GABRA1: variants seen among roughly 807,000 people sequenced by gnomAD.
The protein encoded by GABRA1 is gamma-aminobutyric acid receptor subunit alpha-1.
GABRA1 carries 9 observed loss-of-function variants against 48.9 expected under a neutral mutation model. That is an observed-to-expected ratio of 0.18 (90% CI 0.11 to 0.32). The LOEUF is 0.32. GABRA1 is among the 10% of genes least tolerant of loss of function. The pLI is 1.00. For missense variants in GABRA1, 285 were observed against 553.8 expected, an observed-to-expected ratio of 0.51 and a Z score of 4.87; for synonymous variants, 210 against 198.7, an observed-to-expected ratio of 1.06 and a Z score of -0.48.
intron 7 of GABRA1, among the ~76,000 whole-genome samples, chr5:161,890,453 T>G (rs1161892365): frequency 6.6e-6 from 1 of 152,126 alleles, no homozygotes; most frequent in Non-Finnish European, 1.5e-5. Context: ...AAAATTAAAC[T>G]GTCCTGATGT....
intron 7 of GABRA1, 55 bp downstream of exon 7, chr5:161,882,756 T>G: frequency 6.5e-7 from 1 of 1,532,092 alleles, no homozygotes; most frequent in Middle Eastern, 1.7e-4. Flanking sequence ...TAATATTTTG[T>G]GAGAACTCAA....
chr5:161,890,498 A>G (rs1366636015), intron 7 of GABRA1, among the ~76,000 whole-genome samples: 1 of 152,080 alleles, frequency 6.6e-6, no homozygotes, highest in Non-Finnish European at 1.5e-5. Flanking sequence ...TATTGTGGAT[A>G]TGCTCTGTAA....
intron 3 of GABRA1, among the ~76,000 whole-genome samples, chr5:161,861,860 A>G (rs1757871652): frequency 6.6e-6 from 1 of 151,882 alleles, no homozygotes; most frequent in African/African-American, 2.4e-5. Flanking sequence ...AATGACTAAT[A>G]TTAGTCCATT....
chr5:161,893,777 G>A (rs187611754), intron 8 of GABRA1, among the ~76,000 whole-genome samples: 35 of 152,216 alleles, frequency 2.3e-4, no homozygotes, highest in African/African-American at 7.7e-4. Context: ...TTAAATGAAA[G>A]TACAAGGAAA....
chr5:161,876,935 C>A (rs1439097682), intron 6 of GABRA1, among the ~76,000 whole-genome samples: 1 of 152,064 alleles, frequency 6.6e-6, no homozygotes, highest in Admixed American at 6.6e-5. Context: ...GCCTAATATA[C>A]TGGTATACTT....
intron 2 of GABRA1, among the ~76,000 whole-genome samples, chr5:161,853,129 T>G (rs1290503401): frequency 6.6e-6 from 1 of 151,810 alleles, no homozygotes; most frequent in African/African-American, 2.4e-5. Flanking sequence ...CATCCTAAGA[T>G]AGAAAACAAT....
chr5:161,870,150 G>C (rs745788471), intron 4 of GABRA1, among the ~76,000 whole-genome samples: 1 of 152,040 alleles, frequency 6.6e-6, no homozygotes, highest in Non-Finnish European at 1.5e-5. Context: ...AGAAACTGGG[G>C]ACTTAGCAAG....
intron 7 of GABRA1, among the ~76,000 whole-genome samples, chr5:161,890,365 C>T (rs929487615): frequency 3.3e-5 from 5 of 152,144 alleles, no homozygotes; most frequent in African/African-American, 1.2e-4. Flanking sequence ...TTCTAGCCCA[C>T]TCTCCTTATT....
chr5:161,862,034 T>C (rs1175277086), intron 3 of GABRA1, among the ~76,000 whole-genome samples: 1 of 151,886 alleles, frequency 6.6e-6, no homozygotes, highest in East Asian at 1.9e-4. Context: ...ATTAAACAAA[T>C]GGTTGTGATA....
intron 7 of GABRA1, among the ~76,000 whole-genome samples, chr5:161,887,062 T>A (rs114673806): frequency 0.011 from 1,742 of 152,298 alleles, 16 homozygotes; most frequent in South Asian, 0.033. Flanking sequence ...AAAACATTAA[T>A]AATGTAATGC....
chr5:161,858,180 C>G (rs531968659), intron 3 of GABRA1, among the ~76,000 whole-genome samples: 39 of 151,360 alleles, frequency 2.6e-4, no homozygotes, highest in African/African-American at 9.4e-4. Flanking sequence ...CAGGACGAAA[C>G]CAAAATTTTC....
intron 6 of GABRA1, among the ~76,000 whole-genome samples, chr5:161,877,815 A>G (rs1055950759): frequency 7.9e-5 from 12 of 152,174 alleles, no homozygotes; most frequent in African/African-American, 2.9e-4. Context: ...TCCACCTCAG[A>G]GCCATATGCT....
intron 8 of GABRA1, among the ~76,000 whole-genome samples, chr5:161,893,323 T>C (rs1236090558): frequency 6.6e-6 from 1 of 152,074 alleles, no homozygotes; most frequent in Non-Finnish European, 1.5e-5. Flanking sequence ...TATTTTTGTG[T>C]TTCAAGTTTT....
intron 7 of GABRA1, among the ~76,000 whole-genome samples, chr5:161,886,462 C>T (rs1390198612): frequency 6.6e-6 from 1 of 151,540 alleles, no homozygotes; most frequent in Non-Finnish European, 1.5e-5. Context: ...AGTAAGTGTC[C>T]GATATTACTA....
At position 161,895,847 on chromosome 5, in the gene GABRA1, C is replaced by G; in HGVS notation, c.1038C>G (p.Gly346=). 6.2e-7 allele frequency: 1 copy of G among 1,613,766 alleles called. No individual in the cohort carries two copies. Among genetic ancestry groups the G allele is most frequent in the Non-Finnish European group, 8.5e-7 (1 of 1,179,754 alleles). ...CTAAGAGAGGTTATGCATGGGATGG[C>G]AAAAGTGTGGTTCCAGAAAAGGTAA... ...YFTKRGYAWD[G]KSVVPEKPKK... is the part of the protein sequence containing the mutation. Residue 346 remains glycine, a synonymous_variant, in exon 9 of 10, where the codon GGC becomes GGG. Transcript: ENST00000393943.
chr5:161,853,256 T>C (rs1372625863), intron 2 of GABRA1, among the ~76,000 whole-genome samples: 3 of 151,802 alleles, frequency 2.0e-5, no homozygotes, highest in Admixed American at 6.6e-5. Flanking sequence ...GAGGTCACTA[T>C]GTGGTCGAAA....
intron 2 of GABRA1, among the ~76,000 whole-genome samples, chr5:161,852,602 G>A (rs1757490623): frequency 6.6e-6 from 1 of 151,810 alleles, no homozygotes; most frequent in Non-Finnish European, 1.5e-5. Flanking sequence ...TTCTGCCAAT[G>A]AGACATACTG....
chr5:161,868,548 G>A (rs1753974766), intron 4 of GABRA1, among the ~76,000 whole-genome samples: 1 of 151,984 alleles, frequency 6.6e-6, no homozygotes, highest in African/African-American at 2.4e-5. Flanking sequence ...ATCAAGAGAG[G>A]GCATGCAACA....
chr5:161,874,407 T>G (rs1475179869), intron 5 of GABRA1, among the ~76,000 whole-genome samples: 6 of 152,074 alleles, frequency 3.9e-5, no homozygotes, highest in Admixed American at 1.3e-4. Flanking sequence ...TTCTAGATTA[T>G]CTAAGCAGGA....
Sources: gnomAD v4.1 joint callset for allele counts (sites outside exome capture counted in the v4.1 genomes callset) on GRCh38, gnomAD v4.1.1 for gene constraint, MANE v1.5 for transcripts, NCBI Gene and HGNC (gene_info 2026-07-23, HGNC 2026-07-21) for gene names.